GRM8: variants seen among roughly 807,000 people sequenced by gnomAD.
GRM8 encodes metabotropic glutamate receptor 8.
A neutral mutation model predicts 87.2 loss-of-function variants in GRM8; 47 were observed. The observed-to-expected ratio is 0.54, with a 90% confidence interval of 0.43 to 0.69. The LOEUF is 0.69. GRM8 is among the 30% of genes least tolerant of loss of function. The probability of loss-of-function intolerance (pLI) is 0.00; values close to 1 mark genes in which losing one functional copy is unlikely to be tolerated. For synonymous variants in GRM8, 396 were observed against 404.5 expected, an observed-to-expected ratio of 0.98 and a Z score of 0.25; for missense variants, 1,019 against 1,139.2, an observed-to-expected ratio of 0.89 and a Z score of 1.52.
intron 3 of GRM8, among the ~76,000 whole-genome samples, chr7:126,974,350 T>C (rs1437539491): frequency 6.6e-6 from 1 of 152,178 alleles, no homozygotes; most frequent in African/African-American, 2.4e-5. Context: ...CCTGCTTTTG[T>C]CATCAAAAAA....
intron 3 of GRM8, among the ~76,000 whole-genome samples, chr7:127,016,115 C>T (rs1176722300): frequency 1.3e-5 from 2 of 151,946 alleles, no homozygotes; most frequent in African/African-American, 4.8e-5. Context: ...TAGATGAAAA[C>T]CCAAATAACA....
chr7:126,994,317 C>T (rs1812963499), intron 3 of GRM8, among the ~76,000 whole-genome samples: 1 of 152,164 alleles, frequency 6.6e-6, no homozygotes, highest in Non-Finnish European at 1.5e-5. Context: ...AGCCCCCGAA[C>T]CCTGAATCAC....
At chr7:126,482,205 A>AT (rs1287110092) in intron 9 of GRM8, among the ~76,000 whole-genome samples, 11 of 152,162 alleles carry the variant, frequency 7.2e-5, no homozygotes, top group African/African-American at 2.4e-4. Context: ...GTTTGTAGTA[A>AT]TGTAAAATGG....
At position 126,753,507 on chromosome 7, in the gene GRM8, G is replaced by C. The variant is rs1585790169; in HGVS notation, c.1357+16358C>G. On this transcript the variant is annotated intron_variant, in intron 7 of 10. Transcript: ENST00000339582. ...ATACACACACATATTAAAACTAAAA[G>C]CATTAAGATTTCTGAAATTTTTATT... Among the ~76,000 whole-genome samples the C allele has an allele frequency of 1.3e-5, 2 of 151,082 alleles. 1 individual carries two copies. The highest frequency in any genetic ancestry group is 3.9e-4 in the East Asian group (2 of 5,160).
intron 3 of GRM8, among the ~76,000 whole-genome samples, chr7:127,002,470 G>A (rs1313999291): frequency 2.6e-5 from 4 of 151,666 alleles, no homozygotes; most frequent in Non-Finnish European, 5.9e-5. Context: ...ACAAGTTTGA[G>A]AGTCAGGAGA....
intron 3 of GRM8, among the ~76,000 whole-genome samples, chr7:127,065,112 C>A (rs919343369): frequency 6.6e-6 from 1 of 152,150 alleles, no homozygotes; most frequent in Non-Finnish European, 1.5e-5. Flanking sequence ...GATGTGGAAT[C>A]AATCTAAATG....
At chr7:126,441,194 T>C (rs2150444856) in intron 10 of GRM8, among the ~76,000 whole-genome samples, 1 of 152,164 alleles carries the variant, frequency 6.6e-6, no homozygotes, top group East Asian at 1.9e-4. Context: ...GTAAACATGC[T>C]AAAATATCAA....
At chr7:126,591,625 C>A (rs1014804315) in intron 8 of GRM8, among the ~76,000 whole-genome samples, 4 of 151,846 alleles carry the variant, frequency 2.6e-5, no homozygotes, top group African/African-American at 9.7e-5. Context: ...TGGGATACAA[C>A]AGAAACAGTT....
intron 3 of GRM8, among the ~76,000 whole-genome samples, chr7:126,995,752 T>C (rs181907185): frequency 1.2e-3 from 187 of 152,202 alleles, no homozygotes; most frequent in Non-Finnish European, 1.9e-3. Context: ...CTAAGAGTTC[T>C]TGGCCTTAAA....
At chr7:126,684,792 T>C (rs1324879723) in intron 7 of GRM8, among the ~76,000 whole-genome samples, 1 of 152,194 alleles carries the variant, frequency 6.6e-6, no homozygotes, top group East Asian at 1.9e-4. Context: ...GTGTTCTGTG[T>C]ATTTTGTTTG....
chr7:127,101,352 G>T (rs188200021), intron 3 of GRM8, among the ~76,000 whole-genome samples: 6 of 152,196 alleles, frequency 3.9e-5, no homozygotes, highest in Non-Finnish European at 8.8e-5. Flanking sequence ...GTTTCCTCCT[G>T]ATATAATATG....
chr7:127,106,670 C>T lies in GRM8; in HGVS notation c.553G>A (p.Asp185Asn). ...SYASTAPELSDNTRYDFFSRV... is the reference protein window; with the variant it reads ...SYASTAPELSNNTRYDFFSRV... The stretch of plus-strand genomic sequence containing the variant: ...GAGAAAAAGTCATACCTGGTGTTAT[C>T]ACTTAGCTCTGGGGCTGTGGATGCA... Residue 185 changes from aspartate (D) to asparagine (N), a missense_variant, in exon 3 of 11, where the codon GAT becomes AAT. Coordinates refer to ENST00000339582, the MANE Select transcript of GRM8 (RefSeq NM_000845.3). 6.2e-7 allele frequency: 1 copy of T among 1,613,908 alleles called. No homozygotes were observed. The highest frequency in any genetic ancestry group is 8.5e-7 in the Non-Finnish European group (1 of 1,179,838).
At chr7:126,715,860 CTT>C (rs1554465131) in intron 7 of GRM8, among the ~76,000 whole-genome samples, 1 of 152,140 alleles carries the variant, frequency 6.6e-6, no homozygotes, top group Non-Finnish European at 1.5e-5. Context: ...CTGCCAATGG[CTT>C]TTCTGTCCCA....
intron 3 of GRM8, among the ~76,000 whole-genome samples, chr7:126,927,865 G>A (rs1805308427): frequency 6.6e-6 from 1 of 152,058 alleles, no homozygotes; most frequent in South Asian, 2.1e-4. Flanking sequence ...TCCCATTACT[G>A]GGTATACACC....
intron 7 of GRM8, among the ~76,000 whole-genome samples, chr7:126,633,047 A>T (rs540447102): frequency 2.2e-4 from 33 of 152,232 alleles, no homozygotes; most frequent in African/African-American, 7.9e-4. Context: ...AAAATACATT[A>T]AAAATATTTG....
chr7:126,779,620 A>G (rs916689148), intron 6 of GRM8, among the ~76,000 whole-genome samples: 1 of 152,296 alleles, frequency 6.6e-6, no homozygotes, highest in East Asian at 1.9e-4. Context: ...TGTTTATTCA[A>G]ATCTTCTTTA....
intron 7 of GRM8, among the ~76,000 whole-genome samples, chr7:126,752,907 AT>A (rs2151547576): frequency 1.3e-5 from 2 of 152,116 alleles, no homozygotes; most frequent in East Asian, 3.9e-4. Flanking sequence ...AATACTTTAC[AT>A]TTTGTAGTTG....
At chr7:126,880,923 C>A (rs1171471712) in intron 6 of GRM8, among the ~76,000 whole-genome samples, 5 of 152,216 alleles carry the variant, frequency 3.3e-5, no homozygotes, top group Admixed American at 3.3e-4. Context: ...CTCTTAAAGT[C>A]TTTCCCCCTT....
At chr7:126,770,458 C>A (rs932370017) in intron 6 of GRM8, among the ~76,000 whole-genome samples, 3 of 151,954 alleles carry the variant, frequency 2.0e-5, no homozygotes, top group Admixed American at 1.3e-4. Flanking sequence ...TTATTAGTGG[C>A]CCAAAGTAAG....
Sources: allele counts gnomAD v4.1 joint callset (sites outside exome capture counted in the v4.1 genomes callset), GRCh38; gene constraint gnomAD v4.1.1; transcripts MANE v1.5; gene names NCBI Gene and HGNC (gene_info 2026-07-23, HGNC 2026-07-21).